The following NRXN3 variants were observed in gnomAD, a reference collection of about 807,000 sequenced individuals.
The protein encoded by NRXN3 is neurexin III.
Under a neutral mutation model 137.6 loss-of-function variants are expected in NRXN3, and 32 were observed. The ratio of observed to expected loss-of-function variants is 0.23; its 90% CI spans 0.18 to 0.31. NRXN3 has a LOEUF of 0.31. Among genes scored for constraint, NRXN3 ranks in the 10% least tolerant of loss-of-function variants. The probability of loss-of-function intolerance (pLI) is 1.00; values close to 1 mark genes in which losing one functional copy is unlikely to be tolerated. For synonymous variants in NRXN3, 798 were observed against 784.5 expected (o/e 1.02, Z -0.29); for missense variants, 1,574 against 2,062.5 (o/e 0.76, Z 4.59).
At chr14:79,467,456 G>A in intron 16 of NRXN3, 54 bp downstream of exon 16, 2 of 1,468,660 alleles carry the variant, frequency 1.4e-6, no homozygotes, top group Non-Finnish European at 1.9e-6. Context: ...GTCTGAGTTA[G>A]TGATTCAGGT....
chr14:79,447,324 T>G (rs1323362461), intron 15 of NRXN3, among the ~76,000 whole-genome samples: 1 of 152,206 alleles, frequency 6.6e-6, no homozygotes, highest in South Asian at 2.1e-4. Flanking sequence ...CCTCAGGATA[T>G]TTCTGCCAAT....
At chr14:78,251,344 A>G (rs778458679) in intron 2 of NRXN3, among the ~76,000 whole-genome samples, 2 of 152,194 alleles carry the variant, frequency 1.3e-5, no homozygotes, top group African/African-American at 4.8e-5. Flanking sequence ...AGATGATTAC[A>G]GAGGTGGATT....
intron 4 of NRXN3, among the ~76,000 whole-genome samples, chr14:78,463,714 A>G (rs1399178247): frequency 6.8e-6 from 1 of 147,432 alleles, no homozygotes; most frequent in Non-Finnish European, 1.5e-5. Flanking sequence ...GGCCATAGAT[A>G]TGACAGAGAG....
Position 79,353,282 on chromosome 14 carries a change from A to C in NRXN3, c.3263-113939A>C, listed in dbSNP as rs888490469. Among the ~76,000 whole-genome samples, 22 of 152,050 alleles carry C rather than the reference A, an allele frequency of 1.4e-4. 1 individual carries two copies. Among genetic ancestry groups the C allele is most frequent in the South Asian group, 1.2e-3 (6 of 4,828 alleles). On this transcript the variant is annotated intron_variant, in intron 15 of 20. Coordinates refer to ENST00000335750, the MANE Select transcript of NRXN3 (RefSeq NM_001330195.2). ...GTTCTTAAAATAATTGGAAGTCCAC[A>C]AATTATATGTTTCTGGAAACTATTC...
chr14:78,833,274 A>T (rs1015341786), intron 10 of NRXN3, among the ~76,000 whole-genome samples: 7 of 151,874 alleles, frequency 4.6e-5, no homozygotes, highest in Admixed American at 3.9e-4. Context: ...CTTTTGAGTG[A>T]CCTCTTCCTT....
chr14:79,485,980 G>GT (rs1192903248), intron 16 of NRXN3, among the ~76,000 whole-genome samples: 2 of 151,844 alleles, frequency 1.3e-5, no homozygotes, highest in East Asian at 1.9e-4. Flanking sequence ...AATAAGATGG[G>GT]TTTTTTCCAT....
intron 16 of NRXN3, among the ~76,000 whole-genome samples, chr14:79,562,541 CAGAT>C (rs1254274487): frequency 6.6e-6 from 1 of 152,182 alleles, no homozygotes; most frequent in African/African-American, 2.4e-5. Flanking sequence ...ATGCTGGCAT[CAGAT>C]AGAATGTCCA....
At chr14:78,381,359 G>A (rs1042830125) in intron 4 of NRXN3, among the ~76,000 whole-genome samples, 2 of 152,234 alleles carry the variant, frequency 1.3e-5, no homozygotes, top group Admixed American at 1.3e-4. Context: ...AAGTTATGGA[G>A]TGGGAGAAAA....
chr14:78,343,375 C>T (rs1265224074), intron 4 of NRXN3, among the ~76,000 whole-genome samples: 1 of 152,182 alleles, frequency 6.6e-6, no homozygotes, highest in Admixed American at 6.6e-5. Context: ...TTGACATTAT[C>T]CATCTGTGGG....
intron 4 of NRXN3, among the ~76,000 whole-genome samples, chr14:78,484,007 CACACACACACACACACACACAG>C (rs2095516791): frequency 6.8e-6 from 1 of 147,716 alleles, no homozygotes; most frequent in Admixed American, 6.7e-5. Context: ...CACACACACA[CACACACACACACACACACACAG>C]AGAGAGAGAG....
chr14:78,491,773 C>T (rs1222567727), intron 4 of NRXN3, among the ~76,000 whole-genome samples: 1 of 152,134 alleles, frequency 6.6e-6, no homozygotes, highest in Non-Finnish European at 1.5e-5. Context: ...ATTGCTTTCT[C>T]CTGTCAAAAG....
At chr14:79,740,743 T>TATATAA (rs1568073873) in intron 19 of NRXN3, among the ~76,000 whole-genome samples, 16 of 48,260 alleles carry the variant, frequency 3.3e-4, no homozygotes, top group Non-Finnish European at 6.8e-4. Flanking sequence ...TATATATATA[T>TATATAA]ATATATATAT....
chr14:79,511,120 G>T (rs768098690), intron 16 of NRXN3, among the ~76,000 whole-genome samples: 2 of 152,144 alleles, frequency 1.3e-5, no homozygotes, highest in Non-Finnish European at 2.9e-5. Context: ...AGGAAAAACG[G>T]ACCCAGCTCT....
chr14:79,797,997 G>A (rs2099166125), intron 19 of NRXN3, among the ~76,000 whole-genome samples: 1 of 151,714 alleles, frequency 6.6e-6, no homozygotes, highest in Non-Finnish European at 1.5e-5. Flanking sequence ...ATACCTAGGA[G>A]GCTGAGGCAA....
chr14:78,869,162 A>T (rs2099095153), intron 10 of NRXN3, among the ~76,000 whole-genome samples: 1 of 152,174 alleles, frequency 6.6e-6, no homozygotes. Flanking sequence ...AAGCAAAGCC[A>T]TGAAGTTTGG....
At chr14:79,006,910 A>G (rs1331009727) in intron 15 of NRXN3, among the ~76,000 whole-genome samples, 1 of 152,194 alleles carries the variant, frequency 6.6e-6, no homozygotes, top group Non-Finnish European at 1.5e-5. Flanking sequence ...ACTTCTAGCT[A>G]AATGAAGTAC....
At chr14:79,756,389 G>C (rs1373472292) in intron 19 of NRXN3, among the ~76,000 whole-genome samples, 1 of 152,144 alleles carries the variant, frequency 6.6e-6, no homozygotes, top group African/African-American at 2.4e-5. Flanking sequence ...TCTGAAGCGT[G>C]ATTATTTTGC....
At position 79,363,548 on chromosome 14, in the gene NRXN3, C is replaced by T. The variant is rs77726251; in HGVS notation, c.3263-103673C>T. Reference sequence around the variant, plus strand: ...GCTAAAAGAGCTTCTTCCTCACTTGCCACTATCTTAAATGGTATCTGGTGT... The same window carrying T: ...GCTAAAAGAGCTTCTTCCTCACTTGTCACTATCTTAAATGGTATCTGGTGT... On this transcript the variant is annotated intron_variant, in intron 15 of 20. Coordinates refer to ENST00000335750, the MANE Select transcript of NRXN3 (RefSeq NM_001330195.2). Among the ~76,000 whole-genome samples, 1,246 of 151,632 alleles carry T rather than the reference C, an allele frequency of 8.2e-3. 25 individuals are homozygous for T. The South Asian group carries it at 0.082, about 10-fold the overall frequency.
chr14:78,649,268 C>T, intron 5 of NRXN3: 1 of 1,344,344 alleles, frequency 7.4e-7, no homozygotes, highest in Non-Finnish European at 9.9e-7. Flanking sequence ...CTCCGCAAAG[C>T]ACTCAGGCAT....
Sources: gnomAD v4.1 joint callset for allele counts (sites outside exome capture counted in the v4.1 genomes callset) on GRCh38, gnomAD v4.1.1 for gene constraint, MANE v1.5 for transcripts, NCBI Gene and HGNC (gene_info 2026-07-23, HGNC 2026-07-21) for gene names.